GRIA1: variants seen among roughly 807,000 people sequenced by gnomAD.
GRIA1 encodes the protein glutamate ionotropic receptor AMPA type subunit 1, also known as glutamate receptor 1.
Under a neutral mutation model 99.2 loss-of-function variants are expected in GRIA1, and 31 were observed. The observed-to-expected ratio is 0.31, with a 90% CI of 0.23 to 0.42. GRIA1 has a LOEUF of 0.42. GRIA1 is among the 10% of genes least tolerant of loss of function. The pLI is 1.00. For synonymous variants in GRIA1, 438 were observed against 432.4 expected (o/e 1.01, Z -0.16); for missense variants, 782 against 1,157.5 (o/e 0.68, Z 4.71).
chr5:153,630,697 G>A (rs7727479), intron 2 of GRIA1, among the ~76,000 whole-genome samples: 8,392 of 152,242 alleles, frequency 0.055, 262 homozygotes, highest in African/African-American at 0.074. Context: ...AGATTTTATG[G>A]CTTTAGCACC....
chr5:153,756,616 C>T (rs1399549158), intron 11 of GRIA1, among the ~76,000 whole-genome samples: 1 of 152,162 alleles, frequency 6.6e-6, no homozygotes, highest in African/African-American at 2.4e-5. Flanking sequence ...GGTTCCTACC[C>T]ATCTTTCCCA....
At chr5:153,506,722 C>A (rs75475089) in intron 2 of GRIA1, among the ~76,000 whole-genome samples, 1 of 152,126 alleles carries the variant, frequency 6.6e-6, no homozygotes, top group Admixed American at 6.5e-5. Flanking sequence ...AAGCTCACAG[C>A]GCCCGCATGG....
chr5:153,547,011 A>G (rs545261536), intron 2 of GRIA1, among the ~76,000 whole-genome samples: 3 of 152,354 alleles, frequency 2.0e-5, no homozygotes, highest in South Asian at 4.1e-4. Context: ...CAGTATGTGA[A>G]CATTATTTGG....
rs1766926590 is a variant in GRIA1 at position 153,813,002 on chromosome 5, C to T, written c.*1777C>T. ...GGAGCCCACCTAGGGGTAGGTGCAGCTTTATTGGCTTTTCTGTGGATTCTC... is the reference window on the plus strand; with the variant it reads ...GGAGCCCACCTAGGGGTAGGTGCAGTTTTATTGGCTTTTCTGTGGATTCTC... On this transcript the variant is annotated 3_prime_UTR_variant, in exon 16 of 16. Transcript: ENST00000285900. 1 of 152,220 alleles carries T rather than the reference C, an allele frequency of 6.6e-6. No homozygotes were observed. The highest frequency in any genetic ancestry group is 1.5e-5 in the Non-Finnish European group (1 of 68,046). The allele number at this position is 152,220 out of a possible 1,614,324, so 9.4% of individuals were successfully genotyped here. A position where few individuals can be genotyped will look rare whatever the true frequency, so the allele number is the denominator to read the frequency against.
chr5:153,514,580 T>G (rs892176958), intron 2 of GRIA1, among the ~76,000 whole-genome samples: 31 of 152,226 alleles, frequency 2.0e-4, no homozygotes, highest in African/African-American at 7.5e-4. Context: ...CCATGCTGTT[T>G]TGATTAGTAT....
intron 12 of GRIA1, among the ~76,000 whole-genome samples, chr5:153,767,493 T>C (rs756953127): frequency 1.4e-4 from 22 of 152,202 alleles, no homozygotes; most frequent in Non-Finnish European, 2.1e-4. Context: ...CTCAGTTTCT[T>C]TACCTGTAAA....
At chr5:153,709,970 G>A (rs539756325) in intron 11 of GRIA1, among the ~76,000 whole-genome samples, 93 of 152,228 alleles carry the variant, frequency 6.1e-4, no homozygotes, top group African/African-American at 2.2e-3. Context: ...ACTGGCACCA[G>A]GAATAGATAG....
rs574702814 is a variant in GRIA1, at chr5:153,501,575, G to A, written c.220+7510G>A. Among the ~76,000 whole-genome samples the A allele has an allele frequency of 9.2e-5, 14 of 152,310 alleles. No individual in the cohort carries two copies. In the South Asian group the frequency reaches 1.5e-3, roughly 16 times the overall value. ...GAAGGGTTTTAAGCAGAGAAGTGCCGTGTTTAGATTTCTGTTTTCTCATCA... is the reference window on the plus strand; with the variant it reads ...GAAGGGTTTTAAGCAGAGAAGTGCCATGTTTAGATTTCTGTTTTCTCATCA... On this transcript the variant is annotated intron_variant, in intron 2 of 15. Transcript: ENST00000285900.
At chr5:153,788,058 C>A (rs866617013) in intron 13 of GRIA1, among the ~76,000 whole-genome samples, 1 of 150,040 alleles carries the variant, frequency 6.7e-6, no homozygotes, top group Non-Finnish European at 1.5e-5. Context: ...CCAGCCTGGG[C>A]GACAGAGCAA....
rs563604320 is a variant in GRIA1 at position 153,748,643 on chromosome 5, G to T, written c.1824-15791G>T. On this transcript the variant is annotated intron_variant, in intron 11 of 15. Coordinates refer to ENST00000285900, the MANE Select transcript of GRIA1 (RefSeq NM_000827.4). ...ATGTTATGCTAGGATCTACTATCTGGAATGCTGCCTATGAAGATGAGGGGA... is the reference window on the plus strand; with the variant it reads ...ATGTTATGCTAGGATCTACTATCTGTAATGCTGCCTATGAAGATGAGGGGA... 9.2e-5 allele frequency among the ~76,000 whole-genome samples: 14 copies of T among 152,276 alleles called. No individual in the cohort carries two copies. In the South Asian group the frequency reaches 2.3e-3, roughly 25 times the overall value.
chr5:153,720,323 C>T (rs11743471), intron 11 of GRIA1, among the ~76,000 whole-genome samples: 80,781 of 151,998 alleles, frequency 0.53, 22,491 homozygotes, highest in East Asian at 0.94. Context: ...TTATGTAGGA[C>T]CTTGAACATC....
intron 2 of GRIA1, among the ~76,000 whole-genome samples, chr5:153,631,396 T>C (rs957392532): frequency 1.3e-5 from 2 of 152,246 alleles, no homozygotes; most frequent in Non-Finnish European, 2.9e-5. Context: ...CAAGAATCAA[T>C]TCTGTTTGTT....
chr5:153,701,009 ATGC>A (rs1453961641), intron 10 of GRIA1, among the ~76,000 whole-genome samples: 1 of 152,196 alleles, frequency 6.6e-6, no homozygotes, highest in Non-Finnish European at 1.5e-5. Flanking sequence ...TGGATAGTAC[ATGC>A]TGCAGCTGGA....
intron 2 of GRIA1, among the ~76,000 whole-genome samples, chr5:153,602,021 G>A (rs1398998251): frequency 1.3e-5 from 2 of 152,078 alleles, no homozygotes; most frequent in Non-Finnish European, 2.9e-5. Context: ...GACTTATTTT[G>A]AAAAGGACAC....
At position 153,715,658 on chromosome 5, in the gene GRIA1, C is replaced by T. The variant is rs1759617806; in HGVS notation, c.1823+9591C>T. ...ACTGTAAATGCTGTTGTTATTGCTG[C>T]TGTTGCCATTGTTGCTGTCACCTAC... On this transcript the variant is annotated intron_variant, in intron 11 of 15. Coordinates refer to ENST00000285900, the MANE Select transcript of GRIA1 (RefSeq NM_000827.4). Among the ~76,000 whole-genome samples the T allele has an allele frequency of 2.6e-5, 4 of 152,258 alleles. No individual in the cohort carries two copies. In the South Asian group the frequency reaches 8.3e-4, roughly 32 times the overall value.
intron 5 of GRIA1, among the ~76,000 whole-genome samples, chr5:153,658,602 C>T (rs78546986): frequency 0.1 from 15,362 of 152,216 alleles, 800 homozygotes; most frequent in Middle Eastern, 0.16. Context: ...TTTCTTCCCC[C>T]TTCAGAGGAA....
chr5:153,672,558 T>C (rs2149483148), intron 5 of GRIA1, among the ~76,000 whole-genome samples: 1 of 151,814 alleles, frequency 6.6e-6, no homozygotes, highest in Middle Eastern at 3.4e-3. Context: ...TGACTAAGCT[T>C]GCTTTGTTTA....
At chr5:153,625,471 C>G (rs1022483250) in intron 2 of GRIA1, among the ~76,000 whole-genome samples, 1 of 152,188 alleles carries the variant, frequency 6.6e-6, no homozygotes, top group Non-Finnish European at 1.5e-5. Context: ...TCTTTGTCAT[C>G]AAGCACCATA....
chr5:153,731,749 C>G (rs1403976880), intron 11 of GRIA1, among the ~76,000 whole-genome samples: 2 of 152,076 alleles, frequency 1.3e-5, no homozygotes, highest in Admixed American at 6.6e-5. Flanking sequence ...TAGTGGGGAA[C>G]AGGGTGATAA....
Sources: allele counts gnomAD v4.1 joint callset (sites outside exome capture counted in the v4.1 genomes callset), GRCh38; gene constraint gnomAD v4.1.1; transcripts MANE v1.5; gene names NCBI Gene and HGNC (gene_info 2026-07-23, HGNC 2026-07-21).